PTPRA: variants seen among roughly 807,000 people sequenced by gnomAD.
PTPRA encodes the protein receptor-type tyrosine-protein phosphatase alpha.
Under a neutral mutation model 104.8 loss-of-function variants are expected in PTPRA, and 25 were observed. That is an observed-to-expected ratio of 0.24 (90% CI 0.17 to 0.33). PTPRA has a LOEUF of 0.33. Ranked by LOEUF, PTPRA falls within the 10% of genes least tolerant of loss-of-function variation. The probability of loss-of-function intolerance (pLI) is 1.00; values close to 1 mark genes in which losing one functional copy is unlikely to be tolerated. For missense variants in PTPRA, 765 were observed against 1,015.3 expected (o/e 0.75, Z 3.35); for synonymous variants, 323 against 368.9 (o/e 0.88, Z 1.43).
the PTPRA span, chr20:2,865,280 G>A: frequency 6.2e-7 from 1 of 1,614,174 alleles, no homozygotes. The surrounding 1 kb of genome is among the most constrained non-coding windows in gnomAD (Gnocchi z 5.2). Flanking sequence ...CAAGCGTGCA[G>A]AGCAGCTGGC....
chr20:3,035,498 C>T lies in PTPRA; in HGVS notation c.1921-87C>T. 2.1e-6 allele frequency: 3 copies of T among 1,454,954 alleles called. No individual in the cohort carries two copies. Among genetic ancestry groups the T allele is most frequent in the Non-Finnish European group, 2.8e-6 (3 of 1,055,850 alleles). The allele number at this position is 1,454,954 out of a possible 1,614,324, so 90.1% of individuals were successfully genotyped here. A position where few individuals can be genotyped will look rare whatever the true frequency, so the allele number is the denominator to read the frequency against. The stretch of plus-strand genomic sequence containing the variant: ...CGTATCAGCGTAAGAGGTGGCTGTA[C>T]TGAGAGGGGTCAGGCTGCTCGTGGG... On this transcript the variant is annotated intron_variant, in intron 20 of 23. Transcript: ENST00000399903. This position sits in a 1 kb window ranked among gnomAD's most constrained non-coding sequence, Gnocchi z 5.8.
intron 2 of PTPRA, among the ~76,000 whole-genome samples, chr20:2,934,158 C>T (rs1339216789): frequency 6.6e-6 from 1 of 152,136 alleles, no homozygotes; most frequent in Admixed American, 6.5e-5. Context: ...GGCTGGAGTA[C>T]AGTGGCACAA....
chr20:2,899,099 G>A lies in PTPRA; in HGVS notation c.-128-24108G>A, dbSNP rs562419122. ...CCAGCACTTTGGTAGGCTGAGGCAG[G>A]CAAGGCTGGCAGATCACTTGAGATC... On this transcript the variant is annotated intron_variant, in intron 1 of 23. Transcript: ENST00000399903. Among the ~76,000 whole-genome samples, 4 of 151,966 alleles carry A rather than the reference G, an allele frequency of 2.6e-5. No individual in the cohort carries two copies. In the South Asian group the frequency reaches 6.2e-4, roughly 24 times the overall value.
intron 2 of PTPRA, among the ~76,000 whole-genome samples, chr20:2,942,090 G>A (rs962497536): frequency 2.6e-5 from 4 of 152,318 alleles, no homozygotes; most frequent in Middle Eastern, 6.8e-3. Flanking sequence ...TACTGAGTAA[G>A]CGGGTTATTT....
At chr20:3,027,677 T>C in intron 19 of PTPRA, 30 bp from the exon 20 acceptor site, 1 of 1,610,320 alleles carries the variant, frequency 6.2e-7, no homozygotes. Flanking sequence ...TTAAACCATC[T>C]CACCCTTGCA....
At chr20:2,874,159 A>G (rs2089549299) in intron 1 of PTPRA, among the ~76,000 whole-genome samples, 1 of 152,164 alleles carries the variant, frequency 6.6e-6, no homozygotes, top group Non-Finnish European at 1.5e-5. Flanking sequence ...GCAGTGACCA[A>G]CTTTTCTTTC....
At position 2,910,824 on chromosome 20, in the gene PTPRA, C is replaced by T. The variant is rs151266296; in HGVS notation, c.-128-12383C>T. Among the ~76,000 whole-genome samples, 1,347 of 151,124 alleles carry T rather than the reference C, an allele frequency of 8.9e-3. 20 individuals carry two copies. The highest frequency in any genetic ancestry group is 0.031 in the African/African-American group (1,293 of 41,216). Reference sequence around the variant, plus strand: ...GTTTCACTGTGTTAGCCAGGATGGTCTCGATCTCCGGACCTCATGATCCAC... The same window carrying T: ...GTTTCACTGTGTTAGCCAGGATGGTTTCGATCTCCGGACCTCATGATCCAC... On this transcript the variant is annotated intron_variant, in intron 1 of 23. Coordinates refer to ENST00000399903, the MANE Select transcript of PTPRA (RefSeq NM_001385305.1).
intron 2 of PTPRA, among the ~76,000 whole-genome samples, chr20:2,941,845 A>C (rs2060935918): frequency 6.6e-6 from 1 of 152,096 alleles, no homozygotes; most frequent in African/African-American, 2.4e-5. Flanking sequence ...TCAGCTCAGG[A>C]ATCAGTGCCT....
chr20:2,869,655 G>A (rs2146697807), upstream of PTPRA, among the ~76,000 whole-genome samples: 1 of 152,300 alleles, frequency 6.6e-6, no homozygotes, highest in East Asian at 1.9e-4. Context: ...TGTATCAGTG[G>A]TAGCCAGTGC....
At chr20:2,976,651 A>G (rs559554870) in intron 6 of PTPRA, among the ~76,000 whole-genome samples, 7 of 152,348 alleles carry the variant, frequency 4.6e-5, no homozygotes, top group Non-Finnish European at 8.8e-5. Context: ...AGCAGTCTCT[A>G]AAGTCCCAAA....
At chr20:2,869,977 A>AAT (rs201816584), upstream of PTPRA, among the ~76,000 whole-genome samples, 2,295 of 150,074 alleles carry the variant, frequency 0.015, 45 homozygotes, top group African/African-American at 0.043. Context: ...CTGTCTTAAA[A>AAT]ATATATATAT....
chr20:2,906,401 G>T (rs2059429218), intron 1 of PTPRA, among the ~76,000 whole-genome samples: 1 of 152,156 alleles, frequency 6.6e-6, no homozygotes, highest in Admixed American at 6.5e-5. Context: ...TTTCTCCAAA[G>T]AAGTAATTAT....
At chr20:2,880,337 A>G (rs1314650095) in intron 1 of PTPRA, among the ~76,000 whole-genome samples, 2 of 152,256 alleles carry the variant, frequency 1.3e-5, no homozygotes, top group Admixed American at 6.5e-5. Context: ...TCTTGGGTCT[A>G]TAGGTCAAAC....
intron 1 of PTPRA, among the ~76,000 whole-genome samples, chr20:2,921,288 C>CTGATCTTTTA (rs918341500): frequency 1.4e-5 from 2 of 143,826 alleles, no homozygotes; most frequent in African/African-American, 5.1e-5. Flanking sequence ...AGCCCATTGT[C>CTGATCTTTTA]TGATCTTTTA....
chr20:2,987,072 A>C (rs939755309), intron 7 of PTPRA, among the ~76,000 whole-genome samples: 2 of 152,136 alleles, frequency 1.3e-5, no homozygotes, highest in Non-Finnish European at 2.9e-5. Flanking sequence ...CCATCTGTCC[A>C]AGCCCAGTCT....
At chr20:2,894,425 T>C (rs1394475059) in intron 1 of PTPRA, among the ~76,000 whole-genome samples, 1 of 152,214 alleles carries the variant, frequency 6.6e-6, no homozygotes, top group African/African-American at 2.4e-5. Context: ...TGTTGGGTCC[T>C]GTGCCACACT....
At chr20:2,910,353 A>G (rs1370610595) in intron 1 of PTPRA, among the ~76,000 whole-genome samples, 1 of 129,284 alleles carries the variant, frequency 7.7e-6, no homozygotes, top group East Asian at 2.1e-4. Flanking sequence ...TGTATATTAT[A>G]TATTTTATAT....
intron 5 of PTPRA, among the ~76,000 whole-genome samples, chr20:2,966,836 T>G (rs2061964514): frequency 6.6e-6 from 1 of 152,256 alleles, no homozygotes; most frequent in East Asian, 1.9e-4. Context: ...GATGATCCAG[T>G]TCCATGTTTA....
intron 6 of PTPRA, among the ~76,000 whole-genome samples, chr20:2,982,234 G>C (rs1199369948): frequency 6.6e-6 from 1 of 151,902 alleles, no homozygotes; most frequent in African/African-American, 2.4e-5. Context: ...GGGACCAGAG[G>C]GGTGTGCCAC....
Sources: gnomAD v4.1 joint callset for allele counts (sites outside exome capture counted in the v4.1 genomes callset) on GRCh38, gnomAD v4.1.1 for gene constraint, Gnocchi (gnomAD v3.1) non-coding constraint, MANE v1.5 for transcripts, NCBI Gene and HGNC (gene_info 2026-07-23, HGNC 2026-07-21) for gene names.